The following SETD1B variants were observed in gnomAD, a reference collection of about 807,000 sequenced individuals.
The protein encoded by SETD1B is SET domain containing 1B, histone lysine methyltransferase.
In SETD1B, 7 loss-of-function variants were observed where a neutral mutation model predicts 148.0. That is an observed-to-expected ratio of 0.05 (90% CI 0.03 to 0.09). The LOEUF (loss-of-function observed/expected upper bound fraction) is 0.09. Among genes scored for constraint, SETD1B ranks in the 10% least tolerant of loss-of-function variants. The pLI, the probability that SETD1B is intolerant of heterozygous loss-of-function variation, is 1.00. For missense variants in SETD1B, 2,155 were observed against 2,729.9 expected, an observed-to-expected ratio of 0.79 and a Z score of 4.69; for synonymous variants, 1,361 against 1,186.5, an observed-to-expected ratio of 1.15 and a Z score of -3.02.
At chr12:121,799,727 G>T (rs867789619), upstream of SETD1B, 1 of 66,972 alleles carries the variant, frequency 1.5e-5, no homozygotes, top group African/African-American at 4.1e-5. Flanking sequence ...TGGGGGGGGG[G>T]GGGTGGGGTG....
Position 121,830,034 on chromosome 12 carries a change from G to A in SETD1B, c.5728-32G>A. 1 of 1,538,140 alleles carries A rather than the reference G, an allele frequency of 6.5e-7. No individual in the cohort carries two copies. The highest frequency in any genetic ancestry group is 8.8e-7 in the Non-Finnish European group (1 of 1,137,968). On this transcript the variant is annotated intron_variant, in intron 16 of 16. Coordinates refer to ENST00000604567, the MANE Select transcript of SETD1B (RefSeq NM_001353345.2). This position sits in a 1 kb window ranked among gnomAD's most constrained non-coding sequence, Gnocchi z 5.7. ...AGTGGTGGGGGACCCTGGGGGACCA[G>A]GGGCTCATTCTCCCCCCCACCTTGC...
chr12:121,807,865 G>C (rs1645671808), intron 4 of SETD1B, among the ~76,000 whole-genome samples: 1 of 141,838 alleles, frequency 7.1e-6, no homozygotes. Context: ...GAAAGGGGAA[G>C]ACCTGGCTCT....
chr12:121,795,441 G>C, the SETD1B span: 1 of 152,248 alleles, frequency 6.6e-6, no homozygotes, highest in Non-Finnish European at 1.5e-5. Flanking sequence ...AGGGAAAGTA[G>C]GGTGGGTAAC....
intron 7 of SETD1B, among the ~76,000 whole-genome samples, chr12:121,816,447 G>T (rs1338849973): frequency 1.3e-5 from 2 of 152,124 alleles, no homozygotes; most frequent in East Asian, 1.9e-4. Context: ...GCTCTTTATG[G>T]TTCAGCCAAA....
At chr12:121,790,515 A>T in the SETD1B span, among the ~76,000 whole-genome samples, 2 of 152,120 alleles carry the variant, frequency 1.3e-5, no homozygotes, top group Non-Finnish European at 2.9e-5. Context: ...CATTCATTCC[A>T]TCACCTTCCA....
Position 121,810,688 on chromosome 12 carries a change from C to G in SETD1B, c.1743C>G (p.Asp581Glu), listed in dbSNP as rs376055617. Residue 581 changes from aspartate to glutamate, a missense_variant, in exon 6 of 17, where the codon GAC becomes GAG. By Grantham distance (45) the Asp-to-Glu change is conservative. Transcript: ENST00000604567. This position sits in a 1 kb window ranked among gnomAD's most constrained non-coding sequence, Gnocchi z 7.6. Reference protein sequence around the residue: ...DISPTPLPDSDEDEELDLGLG... With the variant: ...DISPTPLPDSEEDEELDLGLG... Reference sequence around the variant, plus strand: ...GCCCAACACCCCTCCCAGACTCCGACGAGGACGAGGAGCTCGACCTGGGCC... The same window carrying G: ...GCCCAACACCCCTCCCAGACTCCGAGGAGGACGAGGAGCTCGACCTGGGCC... The G allele has an allele frequency of 1.2e-4, 188 of 1,550,774 alleles. No homozygotes were observed. Among genetic ancestry groups the G allele is most frequent in the Non-Finnish European group, 1.6e-4 (180 of 1,146,880 alleles).
intron 5 of SETD1B, among the ~76,000 whole-genome samples, chr12:121,809,019 G>GC (rs576626162): frequency 6.0e-4 from 91 of 152,202 alleles, no homozygotes; most frequent in African/African-American, 2.1e-3. Flanking sequence ...ACAGGCACAC[G>GC]CCACCACACC....
intron 16 of SETD1B, among the ~76,000 whole-genome samples, chr12:121,828,818 T>C (rs562350126): frequency 1.6e-4 from 24 of 152,324 alleles, no homozygotes; most frequent in Admixed American, 9.8e-4. Context: ...TTTTAGGTTG[T>C]TGGGAGGGCC....
rs575169223 is a variant in SETD1B, at chr12:121,826,857, C to T, written c.5338-662C>T. Among the ~76,000 whole-genome samples, 743 of 149,994 alleles carry T rather than the reference C, an allele frequency of 5.0e-3. 7 individuals are homozygous for T. The highest frequency in any genetic ancestry group is 0.017 in the African/African-American group (684 of 40,722). On this transcript the variant is annotated intron_variant, in intron 13 of 16. Coordinates refer to ENST00000604567, the MANE Select transcript of SETD1B (RefSeq NM_001353345.2). Reference sequence around the variant, plus strand: ...TGACAGCCCAGGGTGTGGCTGGGGTCGGGGGTGCTGGGAAGCTGGACACCA... The same window carrying T: ...TGACAGCCCAGGGTGTGGCTGGGGTTGGGGGTGCTGGGAAGCTGGACACCA...
In SETD1B at chr12:121,817,941, A is replaced by G. The variant is rs1876379890; in HGVS notation, c.3418+37A>G. The G allele has an allele frequency of 1.3e-6, 2 of 1,494,258 alleles. No homozygotes were observed. The highest frequency in any genetic ancestry group is 1.3e-5 in the South Asian group (1 of 76,672). The allele number at this position is 1,494,258 out of a possible 1,614,324, so 92.6% of individuals were successfully genotyped here. ...GGCCGTGGCTGCCTGGCCCTCCCGGAGTCCCTCTTTCCCCGGGGCAGAGCC... is the reference window on the plus strand; with the variant it reads ...GGCCGTGGCTGCCTGGCCCTCCCGGGGTCCCTCTTTCCCCGGGGCAGAGCC... On this transcript the variant is annotated intron_variant, in intron 10 of 16. Coordinates refer to ENST00000604567, the MANE Select transcript of SETD1B (RefSeq NM_001353345.2). This position sits in a 1 kb window ranked among gnomAD's most constrained non-coding sequence, Gnocchi z 8.1.
At chr12:121,800,866 C>T (rs1875313393), upstream of SETD1B, 1 of 151,704 alleles carries the variant, frequency 6.6e-6, no homozygotes, top group African/African-American at 2.4e-5. Flanking sequence ...GGGCCCGCCT[C>T]CTGCTCCGGG....
intron 11 of SETD1B, 94 bp from the exon 12 acceptor site, chr12:121,822,396 G>A: frequency 7.0e-7 from 1 of 1,418,842 alleles, no homozygotes; most frequent in East Asian, 2.5e-5. Context: ...CAGACTCAGG[G>A]CTGTGAGCCT....
rs1592985184 is a variant in SETD1B, at chr12:121,819,488, C to G, written c.3503C>G (p.Ser1168Cys). 1 of 1,552,238 alleles carries G rather than the reference C, an allele frequency of 6.4e-7. No homozygotes were observed. The highest frequency in any genetic ancestry group is 2.4e-5 in the East Asian group (1 of 40,922). ...GAGTCTTCTGAGTTTGAGTCAAGCT[C>G]CGAGTCCTCGCCCTCATCCTCGGAG... Reference protein sequence around the residue: ...SSESSEFESSSESSPSSSEDE... With the variant: ...SSESSEFESSCESSPSSSEDE... Residue 1168 changes from serine to cysteine, a missense_variant, in exon 11 of 17, where the codon TCC becomes TGC. By Grantham distance (112) the Ser-to-Cys change is moderately radical. Around this residue, in one of 11 missense-constraint regions of SETD1B, gnomAD observed 862 missense variants for 873.8 expected, o/e 0.99. Transcript: ENST00000604567.
rs974474784 is a variant in SETD1B at position 121,817,299 on chromosome 12, G to A, written c.2977+5G>A. 3.0e-5 allele frequency: 47 copies of A among 1,548,396 alleles called. No individual in the cohort carries two copies. The highest frequency in any genetic ancestry group is 2.2e-4 in the East Asian group (9 of 40,910). On this transcript the variant is annotated splice_donor_5th_base_variant and intron_variant, in intron 8 of 16. Transcript: ENST00000604567. The surrounding 1 kb of genome is among the most constrained non-coding windows in gnomAD (Gnocchi z 8.1). ...CTGTGGATGAGGAAGATGAAGGTTCGTGCTCTGGGTGCTGGGGTCCCCTTC... is the reference window on the plus strand; with the variant it reads ...CTGTGGATGAGGAAGATGAAGGTTCATGCTCTGGGTGCTGGGGTCCCCTTC...
In SETD1B at chr12:121,817,071, C is replaced by T. The variant is rs540878104; in HGVS notation, c.2754C>T (p.Asp918=). 1.7e-5 allele frequency: 26 copies of T among 1,544,634 alleles called. No homozygotes were observed. The highest frequency in any genetic ancestry group is 7.9e-5 in the Admixed American group (4 of 50,748). Residue 918 remains aspartate (D), a synonymous_variant, in exon 8 of 17, where the codon GAC becomes GAT. Coordinates refer to ENST00000604567, the MANE Select transcript of SETD1B (RefSeq NM_001353345.2). This position sits in a 1 kb window ranked among gnomAD's most constrained non-coding sequence, Gnocchi z 8.1. The part of the protein sequence containing the change: ...LTPVKSGEHK[D]EDRPKPKDRI... ...CGGTGAAGTCGGGCGAGCACAAGGACGAGGACAGGCCGAAGCCCAAGGACC... is the reference window on the plus strand; with the variant it reads ...CGGTGAAGTCGGGCGAGCACAAGGATGAGGACAGGCCGAAGCCCAAGGACC...
Position 121,810,120 on chromosome 12 carries a change from G to T in SETD1B, c.1175G>T (p.Gly392Val). 2 of 1,550,086 alleles carry T rather than the reference G, an allele frequency of 1.3e-6. No individual in the cohort carries two copies. The highest frequency in any genetic ancestry group is 1.7e-6 in the Non-Finnish European group (2 of 1,146,910). The change falls in exon 6 of 17, where the codon GGA becomes GTA. Residue 392 changes from glycine (G) to valine (V), a missense_variant. By Grantham distance (109) the Gly-to-Val change is moderately radical. This residue lies in a region of SETD1B where 376 missense variants were observed against 385.0 expected (regional missense o/e 0.98). Transcript: ENST00000604567. The surrounding 1 kb of genome is among the most constrained non-coding windows in gnomAD (Gnocchi z 7.6). The part of the protein sequence containing the change: ...PPPAQATPAP[G>V]FKSAFSPYQT... Reference sequence around the variant, plus strand: ...CCCGCCCAAGCAACCCCTGCTCCTGGATTCAAGTCTGCTTTCTCTCCGTAT... The same window carrying T: ...CCCGCCCAAGCAACCCCTGCTCCTGTATTCAAGTCTGCTTTCTCTCCGTAT...
At chr12:121,828,365 G>A (rs886870565) in intron 16 of SETD1B, among the ~76,000 whole-genome samples, 9 of 152,234 alleles carry the variant, frequency 5.9e-5, no homozygotes, top group Non-Finnish European at 7.3e-5. Context: ...ATTTCTCTGC[G>A]TTAGCCTTTT....
At chr12:121,803,587 C>G (rs2137537949), upstream of SETD1B, 1 of 152,354 alleles carries the variant, frequency 6.6e-6, no homozygotes, top group East Asian at 1.9e-4. The surrounding 1 kb of genome is among the most constrained non-coding windows in gnomAD (Gnocchi z 4.7). Context: ...CCAGCGTCCA[C>G]ACACACCCTC....
At chr12:121,799,719 G>GA (rs1875210490), upstream of SETD1B, 1 of 83,222 alleles carries the variant, frequency 1.2e-5, no homozygotes, top group Non-Finnish European at 2.7e-5. Context: ...CTCGCAGCTG[G>GA]GGGGGGGGGG....
Sources: allele counts gnomAD v4.1 joint callset (sites outside exome capture counted in the v4.1 genomes callset), GRCh38; gene constraint gnomAD v4.1.1; regional missense constraint gnomAD v4.1.1; non-coding constraint Gnocchi (gnomAD v3.1); transcripts MANE v1.5; gene names NCBI Gene and HGNC (gene_info 2026-07-23, HGNC 2026-07-21).